The following PPP1R13B variants were observed in gnomAD, a reference collection of about 807,000 sequenced individuals.
PPP1R13B encodes protein phosphatase 1 regulatory subunit 13B.
Under a neutral mutation model 119.8 loss-of-function variants are expected in PPP1R13B, and 44 were observed. The ratio of observed to expected loss-of-function variants is 0.37; its 90% confidence interval spans 0.29 to 0.47. The LOEUF is 0.47. Among genes scored for constraint, PPP1R13B ranks in the 20% least tolerant of loss-of-function variants. The pLI is 0.99. For missense variants in PPP1R13B, 1,227 were observed against 1,413.5 expected, an observed-to-expected ratio of 0.87 and a Z score of 2.12; for synonymous variants, 542 against 561.5, an observed-to-expected ratio of 0.97 and a Z score of 0.49.
chr14:103,798,013 C>T (rs923750877), intron 1 of PPP1R13B, among the ~76,000 whole-genome samples: 1 of 151,950 alleles, frequency 6.6e-6, no homozygotes, highest in Admixed American at 6.6e-5. Context: ...AACCCTAAAG[C>T]CATAAAAAGT....
intron 3 of PPP1R13B, 102 bp downstream of exon 3, chr14:103,784,693 G>A: frequency 8.5e-7 from 1 of 1,182,844 alleles, no homozygotes; most frequent in Non-Finnish European, 1.1e-6. Flanking sequence ...ACTTGTAAGT[G>A]CAGGGCCGGG....
rs373902638 is a variant in PPP1R13B, at chr14:103,738,904, C to G, written c.2712G>C (p.Val904=). Residue 904 remains valine, a synonymous_variant, in exon 13 of 17, where the codon GTG becomes GTC. Transcript: ENST00000202556. The surrounding 1 kb of genome is among the most constrained non-coding windows in gnomAD (Gnocchi z 5.6). ...AGCTCACCTCATAGATGATCCTCTG[C>G]ACCAGATCGAACTCTCCTTCCAGAG... The part of the protein sequence containing the change: ...DASLEGEFDL[V]QRIIYEVEDP... 7 of 1,614,002 alleles carry G rather than the reference C, an allele frequency of 4.3e-6. No homozygotes were observed. The highest frequency in any genetic ancestry group is 5.9e-6 in the Non-Finnish European group (7 of 1,179,944).
chr14:103,847,458 C>A lies in PPP1R13B; in HGVS notation c.-151G>T. On this transcript the variant is annotated 5_prime_UTR_variant, in exon 1 of 17. Coordinates refer to ENST00000202556, the MANE Select transcript of PPP1R13B (RefSeq NM_015316.3). ...GCGAGGCGGCAGCTGCGGCGGGCTG[C>A]GGGGCTCTCGCTGGCCCTGTCGCGG... 1 of 996,684 alleles carries A rather than the reference C, an allele frequency of 1.0e-6. No individual in the cohort carries two copies. The highest frequency in any genetic ancestry group is 1.2e-6 in the Non-Finnish European group (1 of 838,626). 61.7% of individuals were successfully genotyped at this position (996,684 alleles called of 1,614,324 possible).
At chr14:103,811,301 T>C (rs1269844083) in intron 1 of PPP1R13B, among the ~76,000 whole-genome samples, 1 of 151,902 alleles carries the variant, frequency 6.6e-6, no homozygotes, top group Non-Finnish European at 1.5e-5. Flanking sequence ...GAACAATATA[T>C]AACAGTTATT....
chr14:103,737,402 A>C (rs1251147623), intron 15 of PPP1R13B: 3 of 150,168 alleles, frequency 2.0e-5, no homozygotes, highest in East Asian at 1.8e-4. Flanking sequence ...CTGTCTCTAC[A>C]AAAAAAAAAA....
rs765402238 is a variant in PPP1R13B, at chr14:103,784,790, T to A, written c.277+5A>T. ...TAACAAATGAGGAAGAAAGCAGTTA[T>A]CTACCTTGTTCACTGTTCTCAGTTG... On this transcript the variant is annotated splice_donor_5th_base_variant and intron_variant, in intron 3 of 16. Transcript: ENST00000202556. The A allele has an allele frequency of 6.3e-6, 10 of 1,578,554 alleles. No homozygotes were observed. The highest frequency in any genetic ancestry group is 1.7e-4 in the Middle Eastern group (1 of 5,948).
Position 103,737,690 on chromosome 14 carries a change from G to A in PPP1R13B, c.3031+4C>T, listed in dbSNP as rs201598300. On this transcript the variant is annotated splice_donor_region_variant and intron_variant, in intron 15 of 16. Transcript: ENST00000202556. Reference sequence around the variant, plus strand: ...CACTGTGGCCCCAGGCCTCCCCTGCGTACCATATAGAAACTGGGAGCACTG... The same window carrying A: ...CACTGTGGCCCCAGGCCTCCCCTGCATACCATATAGAAACTGGGAGCACTG... 25 of 1,613,860 alleles carry A rather than the reference G, an allele frequency of 1.5e-5. 1 individual carries two copies. The highest frequency in any genetic ancestry group is 1.2e-4 in the African/African-American group (9 of 75,050).
chr14:103,754,271 T>G (rs2084622368), intron 5 of PPP1R13B, 27 bp from the exon 6 acceptor site: 1 of 1,594,482 alleles, frequency 6.3e-7, no homozygotes, highest in East Asian at 2.2e-5. Context: ...AAATGTAACT[T>G]TGAAAATTGA....
At chr14:103,762,744 G>C in intron 4 of PPP1R13B, 2 of 678,810 alleles carry the variant, frequency 2.9e-6, no homozygotes, top group Non-Finnish European at 5.5e-6. Flanking sequence ...TGAGACGGAT[G>C]GGGGTGGAGG....
chr14:103,836,323 G>T (rs534950930), intron 1 of PPP1R13B, among the ~76,000 whole-genome samples: 1 of 152,104 alleles, frequency 6.6e-6, no homozygotes, highest in South Asian at 2.1e-4. Context: ...TGAGATTACA[G>T]GCGTGAACCA....
chr14:103,847,591 G>A (rs1042875120), upstream of PPP1R13B: 46 of 985,368 alleles, frequency 4.7e-5, no homozygotes, highest in Admixed American at 6.2e-5. Flanking sequence ...CCGCCCGCCC[G>A]GCTCGCTCTT....
chr14:103,735,148 G>A lies in PPP1R13B; in HGVS notation c.*6C>T. On this transcript the variant is annotated 3_prime_UTR_variant, in exon 17 of 17. Coordinates refer to ENST00000202556, the MANE Select transcript of PPP1R13B (RefSeq NM_015316.3). ...GGCAAGACCATGCGGTGCTCCAAAA[G>A]GAAGTTCAGGCGAGTGTTCGCTGTC... 1.2e-6 allele frequency: 2 copies of A among 1,614,150 alleles called. No homozygotes were observed. Among genetic ancestry groups the A allele is most frequent in the Middle Eastern group, 3.3e-4 (2 of 6,062 alleles).
At chr14:103,802,977 A>G (rs551578851) in intron 1 of PPP1R13B, among the ~76,000 whole-genome samples, 1 of 152,306 alleles carries the variant, frequency 6.6e-6, no homozygotes, top group Non-Finnish European at 1.5e-5. Flanking sequence ...TAATCATGGC[A>G]GACTTTAAAG....
intron 4 of PPP1R13B, chr14:103,762,744 G>A (rs1258693367): frequency 1.5e-6 from 1 of 678,810 alleles, no homozygotes; most frequent in Non-Finnish European, 2.7e-6. Context: ...TGAGACGGAT[G>A]GGGGTGGAGG....
In PPP1R13B at chr14:103,748,286, C is replaced by A. The variant is rs112712039; in HGVS notation, c.969+1508G>T. Among the ~76,000 whole-genome samples, 3 of 152,096 alleles carry A rather than the reference C, an allele frequency of 2.0e-5. No individual in the cohort carries two copies. The East Asian group carries it at 5.8e-4, about 29-fold the overall frequency. On this transcript the variant is annotated intron_variant, in intron 8 of 16. Transcript: ENST00000202556. The stretch of plus-strand genomic sequence containing the variant: ...CAACATCTGAAATCATAAAGTTGTA[C>A]AAATAAACTACTGATCTTTAAACTC...
chr14:103,739,291 T>A, intron 12 of PPP1R13B: 1 of 450,734 alleles, frequency 2.2e-6, no homozygotes, highest in Non-Finnish European at 3.9e-6. Context: ...TTCTGGCCAC[T>A]CCTCGGAAGA....
intron 1 of PPP1R13B, among the ~76,000 whole-genome samples, chr14:103,803,671 T>A (rs1007555195): frequency 4.6e-5 from 7 of 152,022 alleles, no homozygotes; most frequent in East Asian, 1.9e-4. Flanking sequence ...AAATAATTAA[T>A]TAATAAACAA....
intron 3 of PPP1R13B, among the ~76,000 whole-genome samples, chr14:103,783,976 T>C (rs1366211043): frequency 6.6e-6 from 1 of 152,214 alleles, no homozygotes; most frequent in Non-Finnish European, 1.5e-5. Context: ...CATGGTTTTA[T>C]ATATTTTTAA....
At chr14:103,769,089 T>C (rs1218068549) in intron 4 of PPP1R13B, among the ~76,000 whole-genome samples, 1 of 152,162 alleles carries the variant, frequency 6.6e-6, no homozygotes, top group Non-Finnish European at 1.5e-5. Context: ...CTGATCTTTT[T>C]TCTTTCTGTT....
Sources: allele counts gnomAD v4.1 joint callset (sites outside exome capture counted in the v4.1 genomes callset), GRCh38; gene constraint gnomAD v4.1.1; non-coding constraint Gnocchi (gnomAD v3.1); transcripts MANE v1.5; gene names NCBI Gene and HGNC (gene_info 2026-07-23, HGNC 2026-07-21).